PTK7: variants seen among roughly 807,000 people sequenced by gnomAD.
PTK7 encodes the protein inactive tyrosine-protein kinase 7.
PTK7 carries 39 observed loss-of-function variants against 116.6 expected under a neutral mutation model. The ratio of observed to expected loss-of-function variants is 0.33; its 90% CI spans 0.26 to 0.44. The LOEUF (loss-of-function observed/expected upper bound fraction) is 0.44, where lower values mean the gene tolerates loss of function less well. Among genes scored for constraint, PTK7 ranks in the 20% least tolerant of loss-of-function variants. The probability of loss-of-function intolerance (pLI) is 1.00; values close to 1 mark genes in which losing one functional copy is unlikely to be tolerated. For missense variants in PTK7, 1,169 were observed against 1,425.6 expected, an observed-to-expected ratio of 0.82 and a Z score of 2.90; for synonymous variants, 546 against 563.6, an observed-to-expected ratio of 0.97 and a Z score of 0.44.
chr6:43,090,193 T>TTGG (rs1370436728), intron 1 of PTK7, among the ~76,000 whole-genome samples: 1 of 152,242 alleles, frequency 6.6e-6, no homozygotes, highest in Non-Finnish European at 1.5e-5. Flanking sequence ...CAGCCTAGCC[T>TTGG]TGGTGCAGGT....
At position 43,128,703 on chromosome 6, in the gene PTK7, T is replaced by A. The variant is rs148800940; in HGVS notation, c.80-274T>A. Among the ~76,000 whole-genome samples the A allele has an allele frequency of 8.6e-3, 1,313 of 152,292 alleles. 17 individuals carry two copies. Among genetic ancestry groups the A allele is most frequent in the African/African-American group, 0.029 (1,200 of 41,552 alleles). On this transcript the variant is annotated intron_variant, in intron 1 of 19. Transcript: ENST00000230419. ...GAGAGGCTGAGGCAGAAGAATCACT[T>A]GAACCCAGGAGGTGGAGGTTGCAGT...
chr6:43,157,364 A>ATATATATATATATATTTTTT (rs70990168), intron 17 of PTK7, among the ~76,000 whole-genome samples: 4 of 54,332 alleles, frequency 7.4e-5, no homozygotes, highest in Admixed American at 2.4e-4. Flanking sequence ...ATATATATAT[A>ATATATATATATATATTTTTT]TTTTTTTTTT....
chr6:43,090,635 T>C (rs765374889), intron 1 of PTK7, among the ~76,000 whole-genome samples: 1 of 152,192 alleles, frequency 6.6e-6, no homozygotes, highest in Non-Finnish European at 1.5e-5. Context: ...TGCTGCCTCC[T>C]GCTCCCCCAG....
Position 43,141,659 on chromosome 6 carries a change from C to T in PTK7, c.1619-9C>T. 6.2e-7 allele frequency: 1 copy of T among 1,613,134 alleles called. No individual in the cohort carries two copies. The highest frequency in any genetic ancestry group is 8.5e-7 in the Non-Finnish European group (1 of 1,179,302). On this transcript the variant is annotated splice_polypyrimidine_tract_variant and intron_variant, in intron 10 of 19. Coordinates refer to ENST00000230419, the MANE Select transcript of PTK7 (RefSeq NM_002821.5). This position sits in a 1 kb window ranked among gnomAD's most constrained non-coding sequence, Gnocchi z 4.9. ...TCCTTCCCATAATTTCCCTTTGTTA[C>T]CCCTGCAGATGGGAGCAGCCTCCCA...
rs998984434 is a variant in PTK7, at chr6:43,102,601, A to G, written c.79+26034A>G. Reference sequence around the variant, plus strand: ...AAGACTTTGTTCCCCCTACCCCACCAAAAAAAAACCAAAAAAAAACAAACC... The same window carrying G: ...AAGACTTTGTTCCCCCTACCCCACCGAAAAAAAACCAAAAAAAAACAAACC... On this transcript the variant is annotated intron_variant, in intron 1 of 19. Transcript: ENST00000230419. Among the ~76,000 whole-genome samples, 5 of 150,426 alleles carry G rather than the reference A, an allele frequency of 3.3e-5. No individual in the cohort carries two copies. The Admixed American group carries it at 3.3e-4, about 10-fold the overall frequency.
In PTK7 at chr6:43,145,203, A is replaced by C. The variant is rs367995053; in HGVS notation, c.2411A>C (p.Lys804Thr). Residue 804 changes from lysine to threonine, a missense_variant, in exon 16 of 20, where the codon AAG becomes ACG. By Grantham distance (78) the Lys-to-Thr change is moderately conservative. Coordinates refer to ENST00000230419, the MANE Select transcript of PTK7 (RefSeq NM_002821.5). This position sits in a 1 kb window ranked among gnomAD's most constrained non-coding sequence, Gnocchi z 4.8. ...CTGACTCAGACTGTACCCACAGGGA[A>C]GAGTGAGTTTGGGGAGGTGTTCCTG... ...SSLQPITTLGKSEFGEVFLAK... is the reference protein window; with the variant it reads ...SSLQPITTLGTSEFGEVFLAK... 193 of 1,605,610 alleles carry C rather than the reference A, an allele frequency of 1.2e-4. No homozygotes were observed. Among genetic ancestry groups the C allele is most frequent in the Non-Finnish European group, 1.5e-4 (172 of 1,175,432 alleles).
chr6:43,144,276 A>AT (rs1439764832), intron 14 of PTK7, 175 bp from the exon 15 acceptor site: 1 of 732,204 alleles, frequency 1.4e-6, no homozygotes, highest in East Asian at 2.7e-5. Context: ...ATAGCCATAC[A>AT]TCCCCCACCC....
chr6:43,147,482 A>G (rs3828755), intron 17 of PTK7, among the ~76,000 whole-genome samples: 92,822 of 152,046 alleles, frequency 0.61, 30,660 homozygotes, highest in African/African-American at 0.88. Flanking sequence ...ATGTGACTGG[A>G]GAGTCTGCTT....
intron 1 of PTK7, among the ~76,000 whole-genome samples, chr6:43,116,866 C>T (rs1286056579): frequency 1.3e-5 from 2 of 152,112 alleles, no homozygotes; most frequent in African/African-American, 4.8e-5. Flanking sequence ...CTGTATCGCC[C>T]AGGCTGGAGT....
chr6:43,116,651 T>TGTGC (rs1323606377), intron 1 of PTK7, among the ~76,000 whole-genome samples: 13 of 77,276 alleles, frequency 1.7e-4, no homozygotes, highest in African/African-American at 3.9e-4. Flanking sequence ...TGTGTGTGTG[T>TGTGC]GCGCGCGCAC....
chr6:43,155,672 A>G (rs1771384886), intron 17 of PTK7, among the ~76,000 whole-genome samples: 1 of 152,006 alleles, frequency 6.6e-6, no homozygotes, highest in African/African-American at 2.4e-5. Flanking sequence ...AATGTAATTT[A>G]GTTACGTTTC....
chr6:43,157,377 T>A (rs1582231894), intron 17 of PTK7, among the ~76,000 whole-genome samples: 17 of 69,718 alleles, frequency 2.4e-4, no homozygotes, highest in African/African-American at 1.2e-3. Flanking sequence ...TTTTTTTTTC[T>A]TTTTTTTTTT....
intron 17 of PTK7, among the ~76,000 whole-genome samples, chr6:43,158,160 G>T (rs568700696): frequency 6.6e-6 from 1 of 151,946 alleles, no homozygotes; most frequent in Non-Finnish European, 1.5e-5. Context: ...TTAGCTGGGC[G>T]TAGTGGCAGG....
intron 1 of PTK7, among the ~76,000 whole-genome samples, chr6:43,094,970 G>A (rs1767161113): frequency 6.6e-6 from 1 of 151,686 alleles, no homozygotes; most frequent in Admixed American, 6.6e-5. Flanking sequence ...GCTTGAACCG[G>A]GAGGCGGAGG....
rs984221317 is a variant in PTK7, at chr6:43,076,500, G to C, written c.12G>C (p.Ala4=). The C allele has an allele frequency of 6.4e-7, 1 of 1,570,090 alleles. No homozygotes were observed. The highest frequency in any genetic ancestry group is 8.6e-7 in the Non-Finnish European group (1 of 1,163,360). MGA[A]RGSPARPRRL... ...CTGAGCCCGCCGCGATGGGAGCTGC[G>C]CGGGGATCCCCGGCCAGACCCCGCC... Residue 4 remains alanine, a synonymous_variant, in exon 1 of 20, where the codon GCG becomes GCC. Coordinates refer to ENST00000230419, the MANE Select transcript of PTK7 (RefSeq NM_002821.5). This position sits in a 1 kb window ranked among gnomAD's most constrained non-coding sequence, Gnocchi z 5.7.
chr6:43,077,112 AC>A, intron 1 of PTK7: 1 of 1,088,630 alleles, frequency 9.2e-7, no homozygotes, highest in Non-Finnish European at 1.2e-6. Context: ...CAAAGCTGAG[AC>A]CCCAGATGGC....
chr6:43,086,453 G>A (rs142650704), intron 1 of PTK7, among the ~76,000 whole-genome samples: 36 of 151,486 alleles, frequency 2.4e-4, no homozygotes, highest in African/African-American at 8.5e-4. Flanking sequence ...GGGTGGTGGC[G>A]GGGCAATGAG....
Position 43,139,549 on chromosome 6 carries a change from T to TAGGG in PTK7, c.1618+25_1618+28dup, listed in dbSNP as rs771759927. On this transcript the variant is annotated intron_variant, in intron 10 of 19. Coordinates refer to ENST00000230419, the MANE Select transcript of PTK7 (RefSeq NM_002821.5). The surrounding 1 kb of genome is among the most constrained non-coding windows in gnomAD (Gnocchi z 4.6). ...AGGTGGGTACAGTGCCGGCATAGGG[T>TAGGG]AGGGGCAGGCAGGCAGTTCACTGAT... 257 of 1,613,032 alleles carry TAGGG rather than the reference T, an allele frequency of 1.6e-4. No homozygotes were observed. The highest frequency in any genetic ancestry group is 1.1e-3 in the African/African-American group (85 of 74,952).
chr6:43,113,404 G>T (rs190959465), intron 1 of PTK7, among the ~76,000 whole-genome samples: 1 of 152,230 alleles, frequency 6.6e-6, no homozygotes, highest in East Asian at 1.9e-4. Context: ...CTGCACTCCA[G>T]CCTGGGTGAC....
Sources: gnomAD v4.1 joint callset for allele counts (sites outside exome capture counted in the v4.1 genomes callset) on GRCh38, gnomAD v4.1.1 for gene constraint, Gnocchi (gnomAD v3.1) non-coding constraint, MANE v1.5 for transcripts, NCBI Gene and HGNC (gene_info 2026-07-23, HGNC 2026-07-21) for gene names.